SPIRE2: variants seen among roughly 807,000 people sequenced by gnomAD.
The protein encoded by SPIRE2 is spire type actin nucleation factor 2.
SPIRE2 carries 76 observed loss-of-function variants against 80.7 expected under a neutral mutation model. The ratio of observed to expected loss-of-function variants is 0.94; its 90% CI spans 0.78 to 1.14. SPIRE2 has a LOEUF of 1.14. Among genes scored for constraint, SPIRE2 ranks in the 50% most tolerant of loss-of-function variants. SPIRE2 has a pLI of 0.00. For synonymous variants in SPIRE2, 535 were observed against 432.6 expected (o/e 1.24, Z -2.94); for missense variants, 1,196 against 1,015.3 (o/e 1.18, Z -2.42).
At chr16:89,866,818 C>T (rs1394487375) in intron 12 of SPIRE2, among the ~76,000 whole-genome samples, 1 of 151,382 alleles carries the variant, frequency 6.6e-6, no homozygotes, top group East Asian at 1.9e-4. Flanking sequence ...ACCATGTTAG[C>T]CAGGATGGTC....
At chr16:89,864,592 G>A (rs898892015) in intron 12 of SPIRE2, among the ~76,000 whole-genome samples, 1 of 152,196 alleles carries the variant, frequency 6.6e-6, no homozygotes, top group African/African-American at 2.4e-5. Context: ...GTGCTCAGGG[G>A]CAGGAATGAG....
At position 89,854,681 on chromosome 16, in the gene SPIRE2, T is replaced by C. The variant is rs1173476347; in HGVS notation, c.891+30T>C. 8 of 1,600,382 alleles carry C rather than the reference T, an allele frequency of 5.0e-6. No homozygotes were observed. In the East Asian group the frequency reaches 1.8e-4, roughly 36 times the overall value. On this transcript the variant is annotated intron_variant, in intron 5 of 14. Coordinates refer to ENST00000378247, the MANE Select transcript of SPIRE2 (RefSeq NM_032451.2). ...GCGGGGCAGACGCAGAGGGGCAGCC[T>C]GGATGCAGAGGTCGTGGTGAGCGGG...
At chr16:89,839,265 T>C (rs2143786977) in intron 1 of SPIRE2, among the ~76,000 whole-genome samples, 1 of 152,002 alleles carries the variant, frequency 6.6e-6, no homozygotes, top group South Asian at 2.1e-4. Context: ...TCCCATCTAC[T>C]TAGGAGGCTG....
At position 89,850,659 on chromosome 16, in the gene SPIRE2, A is replaced by T. The variant is rs915604401; in HGVS notation, c.644A>T (p.Glu215Val). Reference protein sequence around the residue: ...AFLARVREAKEMLQKLREDEP... With the variant: ...AFLARVREAKVMLQKLREDEP... ...CTGGCCAGGGTCCGGGAGGCCAAGGAGGTGAGCGGTGGGTGGGGGCGACCG... is the reference window on the plus strand; with the variant it reads ...CTGGCCAGGGTCCGGGAGGCCAAGGTGGTGAGCGGTGGGTGGGGGCGACCG... Residue 215 changes from glutamate (E) to valine (V), a missense_variant and splice_region_variant, in exon 3 of 15, where the codon GAG becomes GTG. Coordinates refer to ENST00000378247, the MANE Select transcript of SPIRE2 (RefSeq NM_032451.2). The T allele has an allele frequency of 2.4e-6, 3 of 1,226,240 alleles. No individual in the cohort carries two copies. Among genetic ancestry groups the T allele is most frequent in the Non-Finnish European group, 3.1e-6 (3 of 964,092 alleles). The allele number at this position is 1,226,240 out of a possible 1,614,324, so 76.0% of individuals were successfully genotyped here.
At chr16:89,838,334 C>T (rs972143723) in intron 1 of SPIRE2, among the ~76,000 whole-genome samples, 6 of 152,134 alleles carry the variant, frequency 3.9e-5, no homozygotes, top group East Asian at 1.9e-4. Flanking sequence ...AGGAACCCAC[C>T]ACCATGCCCA....
In SPIRE2 at chr16:89,828,634, GA is replaced by G; in HGVS notation, c.86del (p.Lys29ArgfsTer62). On this transcript the variant is annotated frameshift_variant, in exon 1 of 15. Coordinates refer to ENST00000378247, the MANE Select transcript of SPIRE2 (RefSeq NM_032451.2). LOFTEE classifies it high-confidence loss of function. This position sits in a 1 kb window ranked among gnomAD's most constrained non-coding sequence, Gnocchi z 5.9. ...GGGAGCTGTCCCTGGAGGAGGTGCT[GA>G]AGGCCTACGAGCAGCCGCTCAACGA... ...PWELSLEEVL[K>X]AYEQPLNEEQ... 3.0e-6 allele frequency: 4 copies of G among 1,351,034 alleles called. No individual in the cohort carries two copies. Among genetic ancestry groups the G allele is most frequent in the South Asian group, 3.2e-5 (2 of 61,756 alleles). 83.7% of individuals were successfully genotyped at this position (1,351,034 alleles called of 1,614,324 possible).
intron 1 of SPIRE2, among the ~76,000 whole-genome samples, chr16:89,834,313 C>G (rs1598216013): frequency 1.1e-5 from 1 of 89,620 alleles, no homozygotes; most frequent in East Asian, 3.2e-4. Flanking sequence ...GTAGAAGGCC[C>G]CATAAGCATA....
At chr16:89,836,492 A>C in intron 1 of SPIRE2, 1 of 300,820 alleles carries the variant, frequency 3.3e-6, no homozygotes, top group South Asian at 2.9e-5. Flanking sequence ...CATTTCAGGG[A>C]AGTTGTGGAT....
Position 89,830,363 on chromosome 16 carries a change from G to C in SPIRE2, c.244+1569G>C, listed in dbSNP as rs557321238. ...CATTTTTTATTTGATAACGATCTTTGTTTTCTGTTCATAACCCTGTCTCAT... is the reference window on the plus strand; with the variant it reads ...CATTTTTTATTTGATAACGATCTTTCTTTTCTGTTCATAACCCTGTCTCAT... On this transcript the variant is annotated intron_variant, in intron 1 of 14. Coordinates refer to ENST00000378247, the MANE Select transcript of SPIRE2 (RefSeq NM_032451.2). 9.3e-5 allele frequency among the ~76,000 whole-genome samples: 14 copies of C among 151,252 alleles called. 1 individual carries two copies. The South Asian group carries it at 1.9e-3, about 20-fold the overall frequency.
intron 2 of SPIRE2, chr16:89,845,872 TG>T: frequency 3.8e-6 from 2 of 526,446 alleles, no homozygotes; most frequent in Non-Finnish European, 6.6e-6. Context: ...TTTCTTTCTT[TG>T]TTTTTTTTGC....
chr16:89,858,259 G>T (rs2041710470), intron 7 of SPIRE2, 79 bp from the exon 8 acceptor site: 1 of 1,384,926 alleles, frequency 7.2e-7, no homozygotes, highest in South Asian at 1.6e-5. Context: ...TAAGCCAGCT[G>T]GTGCACACAA....
chr16:89,859,346 G>A lies in SPIRE2; in HGVS notation c.1454G>A (p.Arg485Gln), dbSNP rs754904770. Residue 485 changes from arginine (R) to glutamine (Q), a missense_variant, in exon 9 of 15, where the codon CGA becomes CAA. By Grantham distance (43) the Arg-to-Gln change is conservative. Coordinates refer to ENST00000378247, the MANE Select transcript of SPIRE2 (RefSeq NM_032451.2). ...GSAHVWRPGS[R>Q]DQGTCPASVS... Reference sequence around the variant, plus strand: ...GCGCATGTGTGGAGGCCCGGCTCCCGAGACCAGGGCAAGTGCTGCTTCTCA... The same window carrying A: ...GCGCATGTGTGGAGGCCCGGCTCCCAAGACCAGGGCAAGTGCTGCTTCTCA... 44 of 1,563,844 alleles carry A rather than the reference G, an allele frequency of 2.8e-5. No homozygotes were observed. The highest frequency in any genetic ancestry group is 3.5e-5 in the Non-Finnish European group (41 of 1,159,896).
chr16:89,850,971 G>A (rs1007708606), intron 3 of SPIRE2, among the ~76,000 whole-genome samples: 3 of 152,040 alleles, frequency 2.0e-5, no homozygotes, highest in African/African-American at 7.2e-5. Flanking sequence ...CAGGTAGCTG[G>A]GATTACAGGT....
chr16:89,863,321 G>GGATGGCTGATGGACAA lies in SPIRE2; in HGVS notation c.1576-139_1576-124dup, dbSNP rs561732102. On this transcript the variant is annotated intron_variant, in intron 10 of 14. Transcript: ENST00000378247. This position sits in a 1 kb window ranked among gnomAD's most constrained non-coding sequence, Gnocchi z 4.3. ...CAGGGCCCATCAAAGACATGGGGAT[G>GGATGGCTGATGGACAA]GATGGCTGATGGACAAGATGGCTGA... 1.1e-5 allele frequency: 9 copies of GGATGGCTGATGGACAA among 795,402 alleles called. No individual in the cohort carries two copies. The South Asian group carries it at 1.3e-4, about 11-fold the overall frequency. The allele number at this position is 795,402 out of a possible 1,614,324, so 49.3% of individuals were successfully genotyped here.
At chr16:89,854,985 C>T (rs915305155) in intron 5 of SPIRE2, among the ~76,000 whole-genome samples, 7 of 151,950 alleles carry the variant, frequency 4.6e-5, no homozygotes, top group Non-Finnish European at 1.0e-4. Context: ...GTCGCCCAGG[C>T]TGGAGGGCAA....
At chr16:89,859,518 T>C (rs182007841) in intron 9 of SPIRE2, among the ~76,000 whole-genome samples, 164 bp downstream of exon 9, 7 of 152,298 alleles carry the variant, frequency 4.6e-5, no homozygotes, top group Admixed American at 4.6e-4. Flanking sequence ...GGCATCTCCT[T>C]TTGTTTAACT....
At chr16:89,866,306 T>A (rs1435888439) in intron 12 of SPIRE2, among the ~76,000 whole-genome samples, 2 of 152,146 alleles carry the variant, frequency 1.3e-5, no homozygotes, top group Non-Finnish European at 2.9e-5. Context: ...TTTTTTTTTT[T>A]ATTTTTTTGA....
In SPIRE2 at chr16:89,870,266, C is replaced by T; in HGVS notation, c.2139C>T (p.Phe713=). 2 of 1,590,140 alleles carry T rather than the reference C, an allele frequency of 1.3e-6. No individual in the cohort carries two copies. The highest frequency in any genetic ancestry group is 8.6e-7 in the Non-Finnish European group (1 of 1,168,190). ...LYIPNTRTLD[F]K is the part of the protein sequence containing the mutation. ...TCCCTAACACCAGGACTCTTGACTT[C>T]AAGTGACAGCCCCAGGTGGCCAGGC... The change falls in exon 15 of 15, where the codon TTC becomes TTT. Residue 713 remains phenylalanine (F), a synonymous_variant. Coordinates refer to ENST00000378247, the MANE Select transcript of SPIRE2 (RefSeq NM_032451.2).
At position 89,865,919 on chromosome 16, in the gene SPIRE2, G is replaced by A. The variant is rs527940103; in HGVS notation, c.1778+2058G>A. ...TGAGGTGGAGGGTGCAGTGAGCCGA[G>A]ATCGCGCCACTGCACTCCAGACTGG... On this transcript the variant is annotated intron_variant, in intron 12 of 14. Transcript: ENST00000378247. Among the ~76,000 whole-genome samples, 54 of 135,562 alleles carry A rather than the reference G, an allele frequency of 4.0e-4. No individual in the cohort carries two copies. The South Asian group carries it at 0.013, about 33-fold the overall frequency. 88.9% of individuals were successfully genotyped at this position (135,562 alleles called of 152,430 possible).
Sources: allele counts gnomAD v4.1 joint callset (sites outside exome capture counted in the v4.1 genomes callset), GRCh38; gene constraint gnomAD v4.1.1; non-coding constraint Gnocchi (gnomAD v3.1); transcripts MANE v1.5; gene names NCBI Gene and HGNC (gene_info 2026-07-23, HGNC 2026-07-21).